The following MYBBP1A variants were observed in gnomAD, a reference collection of about 807,000 sequenced individuals.
MYBBP1A encodes the protein myb-binding protein 1A.
Under a neutral mutation model 136.3 loss-of-function variants are expected in MYBBP1A, and 147 were observed. That is an observed-to-expected ratio of 1.08 (90% CI 0.94 to 1.24). The LOEUF (loss-of-function observed/expected upper bound fraction) is 1.24, where lower values mean the gene tolerates loss of function less well. MYBBP1A is among the 50% of genes most tolerant of loss of function. The pLI, the probability that MYBBP1A is intolerant of heterozygous loss-of-function variation, is 0.00. For missense variants in MYBBP1A, 2,060 were observed against 1,727.4 expected (o/e 1.19, Z -3.41); for synonymous variants, 947 against 735.8 (o/e 1.29, Z -4.65).
In MYBBP1A at chr17:4,539,917, T is replaced by C. The variant is rs1305413684; in HGVS notation, c.3485A>G (p.Gln1162Arg). 1.3e-6 allele frequency: 2 copies of C among 1,600,004 alleles called. No individual in the cohort carries two copies. Among genetic ancestry groups the C allele is most frequent in the Admixed American group, 3.3e-5 (2 of 60,028 alleles). ...CTTCCGCTTCTTACTGATGGGGCTC[T>C]GGGTGGCACTGGGGATCTCCTTGGC... ...KDAKEIPSATQSPISKKRKKK... is the reference protein window; with the variant it reads ...KDAKEIPSATRSPISKKRKKK... Residue 1162 changes from glutamine to arginine, a missense_variant, in exon 26 of 26, where the codon CAG (glutamine) becomes CGG (arginine). Coordinates refer to ENST00000254718, the MANE Select transcript of MYBBP1A (RefSeq NM_014520.4).
In MYBBP1A at chr17:4,545,937, A is replaced by C; in HGVS notation, c.1830T>G (p.Pro610=). 1 of 1,613,006 alleles carries C rather than the reference A, an allele frequency of 6.2e-7. No individual in the cohort carries two copies. The highest frequency in any genetic ancestry group is 8.5e-7 in the Non-Finnish European group (1 of 1,179,854). ...LLVGIHLLKS[P]AESCDLLGDI... ...CACCCAGCAGGTCACAGCTCTCTGC[A>C]GGGGACTGCGGGCAGGGTAGGACAC... is the stretch of plus-strand genomic sequence containing the variant. Residue 610 remains proline, a synonymous_variant, in exon 14 of 26, where the codon CCT becomes CCG. Transcript: ENST00000254718.
At position 4,542,904 on chromosome 17, in the gene MYBBP1A, C is replaced by G; in HGVS notation, c.2892+9G>C. On this transcript the variant is annotated intron_variant, in intron 20 of 25. Transcript: ENST00000254718. ...GCCTGGGGCTGCTCCTGGGCCAGGC[C>G]CTGCTCACCTGCGGGCCCGTGGGCA... 1 of 1,613,556 alleles carries G rather than the reference C, an allele frequency of 6.2e-7. No individual in the cohort carries two copies.
rs1166991574 is a variant in MYBBP1A, at chr17:4,540,468, A to G, written c.3314T>C (p.Leu1105Pro). The G allele has an allele frequency of 2.5e-6, 4 of 1,609,434 alleles. No homozygotes were observed. Among genetic ancestry groups the G allele is most frequent in the Non-Finnish European group, 3.4e-6 (4 of 1,178,984 alleles). ...CTGCAGCACACCCAGGAGCACCGTC[A>G]GGTCCAAGGTCAGCTTCTGCAGAGG... ...TCKHEKLTLD[L>P]TVLLGVLQGQ... Residue 1105 changes from leucine to proline, a missense_variant, in exon 25 of 26, where the codon CTG becomes CCG. Physicochemically the swap from Leu to Pro is moderately conservative, Grantham distance 98 (BLOSUM62 -3). Transcript: ENST00000254718.
Position 4,552,777 on chromosome 17 carries a change from G to T in MYBBP1A, c.562-151C>A. 1.4e-5 allele frequency: 10 copies of T among 721,146 alleles called. No individual in the cohort carries two copies. The highest frequency in any genetic ancestry group is 2.2e-5 in the Non-Finnish European group (10 of 452,132). The allele number at this position is 721,146 out of a possible 1,614,324, so 44.7% of individuals were successfully genotyped here. A position where few individuals can be genotyped will look rare whatever the true frequency, so the allele number is the denominator to read the frequency against. ...CAAAACTCAAATTCCCAGGCAGCGG[G>T]GTTTTTGACAAGCATCCCACTGACG... On this transcript the variant is annotated intron_variant, in intron 5 of 25. Transcript: ENST00000254718. This position sits in a 1 kb window ranked among gnomAD's most constrained non-coding sequence, Gnocchi z 4.7.
intron 2 of MYBBP1A, 46 bp from the exon 3 acceptor site, chr17:4,554,324 C>A (rs1363973988): frequency 1.9e-6 from 3 of 1,542,740 alleles, no homozygotes; most frequent in South Asian, 2.3e-5. Flanking sequence ...AGGAGAGTGG[C>A]CCAACTACGT....
In MYBBP1A at chr17:4,548,438, T is replaced by C. The variant is rs1186142173; in HGVS notation, c.1556+86A>G. ...CTAGAACTCCGGGGGCCTCTGCCGT[T>C]GTTCCCAGCTTAGGGGACCTGGAGG... On this transcript the variant is annotated intron_variant, in intron 11 of 25. Transcript: ENST00000254718. This position sits in a 1 kb window ranked among gnomAD's most constrained non-coding sequence, Gnocchi z 4.2. 2 of 1,608,930 alleles carry C rather than the reference T, an allele frequency of 1.2e-6. No individual in the cohort carries two copies. The highest frequency in any genetic ancestry group is 1.3e-5 in the African/African-American group (1 of 74,798).
chr17:4,548,219 C>G lies in MYBBP1A; in HGVS notation c.1648G>C (p.Asp550His). The change falls in exon 12 of 26, where the codon GAC becomes CAC. Residue 550 changes from aspartate to histidine, a missense_variant. Coordinates refer to ENST00000254718, the MANE Select transcript of MYBBP1A (RefSeq NM_014520.4). The surrounding 1 kb of genome is among the most constrained non-coding windows in gnomAD (Gnocchi z 4.2). ...PWTYHLVQFA[D>H]LLLNHSHNVT... is the part of the protein sequence containing the mutation. The stretch of plus-strand genomic sequence containing the variant: ...TTGTGGCTGTGATTCAACAGGAGGT[C>G]TGCGAACTGCACCAGGTGGTAGGTC... The G allele has an allele frequency of 6.2e-7, 1 of 1,610,186 alleles. No individual in the cohort carries two copies. Among genetic ancestry groups the G allele is most frequent in the Non-Finnish European group, 8.5e-7 (1 of 1,179,944 alleles).
At position 4,550,140 on chromosome 17, in the gene MYBBP1A, T is replaced by A. The variant is rs140998973; in HGVS notation, c.1237A>T (p.Met413Leu). The change falls in exon 9 of 26, where the codon ATG (methionine) becomes TTG (leucine). Residue 413 changes from methionine (M) to leucine (L), a missense_variant. Coordinates refer to ENST00000254718, the MANE Select transcript of MYBBP1A (RefSeq NM_014520.4). ...GAGTCCAGGTCTGGCTGGAGAAACA[T>A]GGCCCGCAGCCAGGCCACATAGCCC... Reference protein sequence around the residue: ...LQGYVAWLRAMFLQPDLDSLV... With the variant: ...LQGYVAWLRALFLQPDLDSLV... The A allele has an allele frequency of 3.7e-6, 6 of 1,613,868 alleles. No individual in the cohort carries two copies. The African/African-American group carries it at 8.0e-5, about 22-fold the overall frequency.
chr17:4,545,121 C>A lies in MYBBP1A; in HGVS notation c.2215G>T (p.Glu739Ter). 1 of 1,611,550 alleles carries A rather than the reference C, an allele frequency of 6.2e-7. No homozygotes were observed. Among genetic ancestry groups the A allele is most frequent in the African/African-American group, 1.3e-5 (1 of 74,844 alleles). ...NRSSESEEESEGEESEEEERD... is the reference protein window; with the variant it reads ...NRSSESEEES ...TCCTCCTCCTCGCTCTCCTCCCCCTCGCTCTCCTCTTCACTCTCTGAGCTT... is the reference window on the plus strand; with the variant it reads ...TCCTCCTCCTCGCTCTCCTCCCCCTAGCTCTCCTCTTCACTCTCTGAGCTT... Residue 739 changes from glutamate to a stop codon, truncating the protein, a stop_gained, in exon 17 of 26, where the codon GAG becomes TAG. Coordinates refer to ENST00000254718, the MANE Select transcript of MYBBP1A (RefSeq NM_014520.4). LOFTEE classifies it high-confidence loss of function.
chr17:4,545,858 T>C lies in MYBBP1A; in HGVS notation c.1909A>G (p.Thr637Ala). ...SLGEKPRRSR[T>A]KTIDPQEPPW... ...ACCAAGGACCCACCGATGGTCTTGGTGCGGCTCCGGCGGGGCTTCTCTCCC... is the reference window on the plus strand; with the variant it reads ...ACCAAGGACCCACCGATGGTCTTGGCGCGGCTCCGGCGGGGCTTCTCTCCC... Residue 637 changes from threonine to alanine, a missense_variant, in exon 14 of 26, where the codon ACC becomes GCC. Coordinates refer to ENST00000254718, the MANE Select transcript of MYBBP1A (RefSeq NM_014520.4). 3.1e-6 allele frequency: 5 copies of C among 1,613,216 alleles called. No individual in the cohort carries two copies. Among genetic ancestry groups the C allele is most frequent in the Non-Finnish European group, 4.2e-6 (5 of 1,179,946 alleles).
In MYBBP1A at chr17:4,548,072, G is replaced by T. The variant is rs749013537; in HGVS notation, c.1725-15C>A. ...TCTGCAGCATCCTGCGGGGAGACAG[G>T]CGATTCCCAGGCCCCTGCACCAGTC... On this transcript the variant is annotated splice_polypyrimidine_tract_variant and intron_variant, in intron 12 of 25. Coordinates refer to ENST00000254718, the MANE Select transcript of MYBBP1A (RefSeq NM_014520.4). The surrounding 1 kb of genome is among the most constrained non-coding windows in gnomAD (Gnocchi z 4.2). 1 of 1,589,488 alleles carries T rather than the reference G, an allele frequency of 6.3e-7. No individual in the cohort carries two copies. Among genetic ancestry groups the T allele is most frequent in the East Asian group, 2.3e-5 (1 of 44,158 alleles).
chr17:4,539,549 C>A lies in MYBBP1A; in HGVS notation c.3853G>T (p.Gly1285Trp). 1.2e-6 allele frequency: 2 copies of A among 1,614,146 alleles called. No homozygotes were observed. The highest frequency in any genetic ancestry group is 1.1e-5 in the South Asian group (1 of 91,082). The change falls in exon 26 of 26, where the codon GGG (glycine) becomes TGG (tryptophan). Residue 1285 changes from glycine (G) to tryptophan (W), a missense_variant. Coordinates refer to ENST00000254718, the MANE Select transcript of MYBBP1A (RefSeq NM_014520.4). ...KQHQKALPKK[G>W]VLGKSPLSAL... ...GACAGTGGTGATTTGCCCAAGACCC[C>A]CTTTTTGGGAAGAGCCTTCTGATGC...
In MYBBP1A at chr17:4,539,700, G is replaced by A. The variant is rs550363402; in HGVS notation, c.3702C>T (p.Ala1234=). 1.8e-4 allele frequency: 293 copies of A among 1,609,802 alleles called. 3 individuals are homozygous for A. In the South Asian group the frequency reaches 3.1e-3, roughly 17 times the overall value. The change falls in exon 26 of 26, where the codon GCC becomes GCT. Residue 1234 remains alanine, a synonymous_variant. Transcript: ENST00000254718. ...ANGTPTTKSP[A]PGAPTRSPST... ...TGGGGCTCCGGGTGGGGGCGCCAGG[G>A]GCTGGACTCTTGGTGGTTGGCGTCC...
chr17:4,540,278 G>A (rs1468450720), intron 25 of MYBBP1A, 70 bp downstream of exon 25: 4 of 1,521,776 alleles, frequency 2.6e-6, no homozygotes, highest in South Asian at 2.5e-5. Context: ...TGCAGCGTGT[G>A]TGTGTGTGCA....
At chr17:4,545,368 G>A (rs1448013788) in intron 15 of MYBBP1A, 23 bp from the exon 16 acceptor site, 4 of 1,611,762 alleles carry the variant, frequency 2.5e-6, no homozygotes, top group Admixed American at 1.7e-5. Context: ...GCCAGCCACT[G>A]ACCCATTTGC....
Position 4,545,137 on chromosome 17 carries a change from C to G in MYBBP1A, c.2199G>C (p.Glu733Asp). ...SEEGEDNRSS[E>D]SEEESEGEES... ...CCTCCCCCTCGCTCTCCTCTTCACT[C>G]TCTGAGCTTCTGTTGTCCTCACCTT... The change falls in exon 17 of 26, where the codon GAG (glutamate) becomes GAC (aspartate). Residue 733 changes from glutamate (E) to aspartate (D), a missense_variant. Physicochemically the swap from Glu to Asp is conservative, Grantham distance 45. Transcript: ENST00000254718. 4 of 1,613,252 alleles carry G rather than the reference C, an allele frequency of 2.5e-6. No homozygotes were observed. Among genetic ancestry groups the G allele is most frequent in the Non-Finnish European group, 2.5e-6 (3 of 1,179,884 alleles).
In MYBBP1A at chr17:4,540,953, G is replaced by A. The variant is rs147086443; in HGVS notation, c.3298-469C>T. 4.1e-4 allele frequency among the ~76,000 whole-genome samples: 50 copies of A among 122,122 alleles called. No individual in the cohort carries two copies. The East Asian group carries it at 0.023, about 57-fold the overall frequency. The allele number at this position is 122,122 out of a possible 152,430, so 80.1% of individuals were successfully genotyped here. A position where few individuals can be genotyped will look rare whatever the true frequency, so the allele number is the denominator to read the frequency against. Reference sequence around the variant, plus strand: ...CCCGTCCCGGGCCCCGCCTCTGCCTGCCAGCACCCCCTTGGCAAGCTCTCC... The same window carrying A: ...CCCGTCCCGGGCCCCGCCTCTGCCTACCAGCACCCCCTTGGCAAGCTCTCC... On this transcript the variant is annotated intron_variant, in intron 24 of 25. Transcript: ENST00000254718.
intron 8 of MYBBP1A, among the ~76,000 whole-genome samples, chr17:4,550,663 C>T (rs963888974): frequency 6.6e-6 from 1 of 152,270 alleles, no homozygotes. Context: ...CCCCTCTTTC[C>T]GCCTTGCTGG....
chr17:4,549,708 C>T (rs1331687472), intron 9 of MYBBP1A, among the ~76,000 whole-genome samples: 5 of 147,576 alleles, frequency 3.4e-5, no homozygotes, highest in Non-Finnish European at 5.9e-5. Flanking sequence ...TGCTTGAACC[C>T]GGGAGGCAGA....
Sources: gnomAD v4.1 joint callset for allele counts (sites outside exome capture counted in the v4.1 genomes callset) on GRCh38, gnomAD v4.1.1 for gene constraint, Gnocchi (gnomAD v3.1) non-coding constraint, MANE v1.5 for transcripts, NCBI Gene and HGNC (gene_info 2026-07-23, HGNC 2026-07-21) for gene names.